The following MKLN1 variants were observed in gnomAD, a reference collection of about 807,000 sequenced individuals.
MKLN1 encodes the protein muskelin.
A neutral mutation model predicts 99.0 loss-of-function variants in MKLN1; 18 were observed. That is an observed-to-expected ratio of 0.18 (90% confidence interval 0.13 to 0.27). The LOEUF (loss-of-function observed/expected upper bound fraction) is 0.27. Ranked by LOEUF, MKLN1 falls within the 10% of genes least tolerant of loss-of-function variation. MKLN1 has a pLI of 1.00. For synonymous variants in MKLN1, 288 were observed against 293.2 expected (o/e 0.98, Z 0.18); for missense variants, 621 against 875.9 (o/e 0.71, Z 3.67).
In MKLN1 at chr7:131,228,829, G is replaced by A. The variant is rs137983336; in HGVS notation, c.-179+25855G>A. 1.5e-3 allele frequency among the ~76,000 whole-genome samples: 234 copies of A among 152,228 alleles called. 1 individual carries two copies. Among genetic ancestry groups the A allele is most frequent in the African/African-American group, 5.3e-3 (222 of 41,532 alleles). On this transcript the variant is annotated intron_variant, in intron 3 of 7. Transcript: ENST00000416992. ...GAACAGTTTCTTCTCACTTGTACTCGCAAGTTTTTTAAAGCCTTATCTTGT... is the reference window on the plus strand; with the variant it reads ...GAACAGTTTCTTCTCACTTGTACTCACAAGTTTTTTAAAGCCTTATCTTGT...
At chr7:131,468,208 C>T (rs2116631152) in intron 15 of MKLN1, among the ~76,000 whole-genome samples, 1 of 152,332 alleles carries the variant, frequency 6.6e-6, no homozygotes, top group South Asian at 2.1e-4. Context: ...TCGAGGATGA[C>T]TCTTAGGGCA....
intron 2 of MKLN1, among the ~76,000 whole-genome samples, chr7:131,383,815 C>G (rs1236293517): frequency 6.6e-6 from 1 of 152,176 alleles, no homozygotes. Flanking sequence ...AAACTGTCTA[C>G]TGTTGTCCAT....
intron 2 of MKLN1, among the ~76,000 whole-genome samples, chr7:131,189,005 A>G (rs202141020): frequency 2.0e-5 from 3 of 152,176 alleles, no homozygotes; most frequent in Admixed American, 1.3e-4. Flanking sequence ...ATCACATGAG[A>G]CCCAGACCCA....
intron 1 of MKLN1, among the ~76,000 whole-genome samples, chr7:131,130,016 C>T (rs894957908): frequency 2.0e-5 from 3 of 152,034 alleles, no homozygotes; most frequent in Non-Finnish European, 4.4e-5. Context: ...AAGTTCACTT[C>T]GATAGACATG....
rs570938600 is a variant in MKLN1, at chr7:131,419,239, T to A, written c.847+4529T>A. Among the ~76,000 whole-genome samples, 3 of 142,168 alleles carry A rather than the reference T, an allele frequency of 2.1e-5. No homozygotes were observed. The Admixed American group carries it at 2.2e-4, about 10-fold the overall frequency. The allele number at this position is 142,168 out of a possible 152,430, so 93.3% of individuals were successfully genotyped here. On this transcript the variant is annotated intron_variant, in intron 8 of 17. Coordinates refer to ENST00000352689, the MANE Select transcript of MKLN1 (RefSeq NM_013255.5). ...TTACATATATATATGTATATATATATATATATATTTTTGTTTTTTTTTTTT... is the reference window on the plus strand; with the variant it reads ...TTACATATATATATGTATATATATAAATATATATTTTTGTTTTTTTTTTTT...
At chr7:131,140,972 G>C (rs1194103329) in intron 1 of MKLN1, among the ~76,000 whole-genome samples, 3 of 152,060 alleles carry the variant, frequency 2.0e-5, no homozygotes. Context: ...TTTTAGTAGA[G>C]ATGGGGCTTC....
chr7:131,240,887 A>G (rs1797392093), intron 3 of MKLN1, among the ~76,000 whole-genome samples: 1 of 152,236 alleles, frequency 6.6e-6, no homozygotes, highest in Non-Finnish European at 1.5e-5. Context: ...TATACCTTAC[A>G]GACCTGGTGA....
At chr7:131,148,761 G>A (rs1420793082) in intron 2 of MKLN1, among the ~76,000 whole-genome samples, 2 of 152,116 alleles carry the variant, frequency 1.3e-5, no homozygotes, top group Admixed American at 6.6e-5. Flanking sequence ...GTGACAGGGT[G>A]AGACCCAGTC....
At chr7:131,314,019 G>T (rs569168157) in intron 3 of MKLN1, among the ~76,000 whole-genome samples, 1 of 152,146 alleles carries the variant, frequency 6.6e-6, no homozygotes, top group Non-Finnish European at 1.5e-5. Flanking sequence ...TATTTAAACC[G>T]TGCCTTTCTT....
Position 131,489,540 on chromosome 7 carries a change from T to C in MKLN1, c.*1812T>C, listed in dbSNP as rs1218426272. ...CACTAATATAGCCTGTTAAATCTTT[T>C]GTGGAGACAGGTGCAAATCAGAAGA... On this transcript the variant is annotated 3_prime_UTR_variant, in exon 18 of 18. Transcript: ENST00000352689. 1 of 152,178 alleles carries C rather than the reference T, an allele frequency of 6.6e-6. No homozygotes were observed. The highest frequency in any genetic ancestry group is 2.4e-5 in the African/African-American group (1 of 41,454). 9.4% of individuals were successfully genotyped at this position (152,178 alleles called of 1,614,324 possible).
chr7:131,137,644 G>T (rs985676233), intron 1 of MKLN1, among the ~76,000 whole-genome samples: 25 of 152,032 alleles, frequency 1.6e-4, no homozygotes, highest in African/African-American at 5.6e-4. Flanking sequence ...GCGCAATCTC[G>T]GCTCACTGCA....
chr7:131,417,803 A>G (rs1484577961), intron 8 of MKLN1, among the ~76,000 whole-genome samples: 1 of 152,244 alleles, frequency 6.6e-6, no homozygotes, highest in East Asian at 1.9e-4. Context: ...GAAGACTAGA[A>G]GGACACATAC....
chr7:131,162,827 A>G (rs1241010179), intron 2 of MKLN1, among the ~76,000 whole-genome samples: 1 of 152,232 alleles, frequency 6.6e-6, no homozygotes, highest in African/African-American at 2.4e-5. Context: ...TTGAAATGAT[A>G]TTTTGGACAT....
chr7:131,183,445 CTCTG>C (rs1796403880), intron 2 of MKLN1, among the ~76,000 whole-genome samples: 1 of 152,174 alleles, frequency 6.6e-6, no homozygotes, highest in Non-Finnish European at 1.5e-5. Flanking sequence ...CTCCTTCATT[CTCTG>C]TCTGGTCCTG....
intron 1 of MKLN1, among the ~76,000 whole-genome samples, chr7:131,333,952 T>C (rs1341172831): frequency 2.6e-5 from 4 of 152,228 alleles, no homozygotes; most frequent in Admixed American, 2.6e-4. Context: ...GGCATTATCC[T>C]TGGTAATTTG....
chr7:131,123,914 T>TA (rs1486163486), intron 1 of MKLN1, among the ~76,000 whole-genome samples: 1 of 152,230 alleles, frequency 6.6e-6, no homozygotes, highest in African/African-American at 2.4e-5. Flanking sequence ...TAGTGACTGA[T>TA]AAGTTCTGTG....
chr7:131,365,999 G>A (rs4099560), intron 1 of MKLN1, among the ~76,000 whole-genome samples: 6,974 of 152,216 alleles, frequency 0.046, 229 homozygotes, highest in Non-Finnish European at 0.067. Flanking sequence ...TGAAGGGTGT[G>A]AAAGCTCTTC....
At chr7:131,459,661 A>G (rs932281153) in intron 12 of MKLN1, among the ~76,000 whole-genome samples, 5 of 152,188 alleles carry the variant, frequency 3.3e-5, no homozygotes, top group African/African-American at 1.2e-4. Flanking sequence ...GGAAGCTTTT[A>G]GAATTTTTCT....
At chr7:131,332,331 ATAT>A (rs781646159) in intron 1 of MKLN1, among the ~76,000 whole-genome samples, 3 of 148,516 alleles carry the variant, frequency 2.0e-5, no homozygotes, top group South Asian at 4.2e-4. Flanking sequence ...GCATAGTTAT[ATAT>A]TATTATGTTA....
Sources: allele counts gnomAD v4.1 joint callset (sites outside exome capture counted in the v4.1 genomes callset), GRCh38; gene constraint gnomAD v4.1.1; transcripts MANE v1.5; gene names NCBI Gene and HGNC (gene_info 2026-07-23, HGNC 2026-07-21).